The following ACSL1 variants were observed in gnomAD, a reference collection of about 807,000 sequenced individuals.
ACSL1 encodes acyl-CoA synthetase long chain family member 1.
Under a neutral mutation model 98.4 loss-of-function variants are expected in ACSL1, and 41 were observed. The ratio of observed to expected loss-of-function variants is 0.42; its 90% CI spans 0.32 to 0.54. The LOEUF is 0.54. Ranked by LOEUF, ACSL1 falls within the 20% of genes least tolerant of loss-of-function variation. ACSL1 has a pLI of 0.13. For synonymous variants in ACSL1, 316 were observed against 322.7 expected, an observed-to-expected ratio of 0.98 and a Z score of 0.22; for missense variants, 734 against 883.1, an observed-to-expected ratio of 0.83 and a Z score of 2.14.
intron 18 of ACSL1, chr4:184,758,507 G>GA (rs1561168174): frequency 6.6e-6 from 1 of 152,384 alleles, no homozygotes; most frequent in African/African-American, 2.4e-5. Flanking sequence ...AATGAGCTAT[G>GA]ACTGCCATTA....
At chr4:184,785,427 G>T (rs1228897508) in intron 3 of ACSL1, among the ~76,000 whole-genome samples, 2 of 152,070 alleles carry the variant, frequency 1.3e-5, no homozygotes, top group Admixed American at 1.3e-4. Flanking sequence ...TTTATAAATG[G>T]CTTCCTTGGT....
At chr4:184,813,176 C>T (rs1239243309) in intron 1 of ACSL1, among the ~76,000 whole-genome samples, 2 of 152,280 alleles carry the variant, frequency 1.3e-5, no homozygotes, top group East Asian at 1.9e-4. Flanking sequence ...CATGTACAGC[C>T]TTTGCGTGGG....
Position 184,773,930 on chromosome 4 carries a change from A to G in ACSL1, c.757-55T>C. On this transcript the variant is annotated intron_variant, in intron 7 of 20. Transcript: ENST00000281455. This position sits in a 1 kb window ranked among gnomAD's most constrained non-coding sequence, Gnocchi z 4.3. Reference sequence around the variant, plus strand: ...TGGAAACGTTTTCTAACTGTAAAGGATAAGGTCACATCGAGTCACTTAAAG... The same window carrying G: ...TGGAAACGTTTTCTAACTGTAAAGGGTAAGGTCACATCGAGTCACTTAAAG... 6.3e-7 allele frequency: 1 copy of G among 1,598,482 alleles called. No homozygotes were observed. The highest frequency in any genetic ancestry group is 8.6e-7 in the Non-Finnish European group (1 of 1,167,676).
intron 18 of ACSL1, 54 bp downstream of exon 18, chr4:184,760,303 A>C: frequency 6.3e-7 from 1 of 1,592,808 alleles, no homozygotes; most frequent in South Asian, 1.1e-5. Context: ...CCCCTGGAGT[A>C]CCAGGCAATG....
intron 15 of ACSL1, 108 bp from the exon 16 acceptor site, chr4:184,763,363 A>C: frequency 1.0e-6 from 1 of 1,004,804 alleles, no homozygotes; most frequent in Non-Finnish European, 1.5e-6. Flanking sequence ...CGGCTGGGAT[A>C]AACTTCTGAT....
Position 184,757,529 on chromosome 4 carries a change from A to T in ACSL1, c.1956+106T>A. ...CAAACTACTCCATTATTTATTCCTC[A>T]TGTATGTCTTTAGGTCACCCCATAT... On this transcript the variant is annotated intron_variant, in intron 20 of 20. Transcript: ENST00000281455. This position sits in a 1 kb window ranked among gnomAD's most constrained non-coding sequence, Gnocchi z 4.5. 9.2e-7 allele frequency: 1 copy of T among 1,087,912 alleles called. No homozygotes were observed. The highest frequency in any genetic ancestry group is 2.4e-5 in the East Asian group (1 of 42,264). 67.4% of individuals were successfully genotyped at this position (1,087,912 alleles called of 1,614,324 possible). A position where few individuals can be genotyped will look rare whatever the true frequency, so the allele number is the denominator to read the frequency against.
chr4:184,788,630 T>G lies in ACSL1; in HGVS notation c.297A>C (p.Gly99=). Reference sequence around the variant, plus strand: ...GAAAATGCTTACTTGACACCTGTATTCCCCTCTGGAAACCTTCGTATAATG... The same window carrying G: ...GAAAATGCTTACTTGACACCTGTATGCCCCTCTGGAAACCTTCGTATAATG... ...VTTLYEGFQR[G]IQVSNNGPCL... is the part of the protein sequence containing the mutation. The change falls in exon 3 of 21, where the codon GGA becomes GGC. Residue 99 remains glycine (G), a synonymous_variant. Transcript: ENST00000281455. 1 of 1,613,890 alleles carries G rather than the reference T, an allele frequency of 6.2e-7. No individual in the cohort carries two copies. The highest frequency in any genetic ancestry group is 8.5e-7 in the Non-Finnish European group (1 of 1,179,892).
intron 1 of ACSL1, among the ~76,000 whole-genome samples, chr4:184,816,187 T>C (rs140647327): frequency 6.8e-4 from 103 of 151,902 alleles, no homozygotes; most frequent in African/African-American, 2.4e-3. Context: ...TCCCCAGGAC[T>C]GGACGCAGCC....
intron 17 of ACSL1, among the ~76,000 whole-genome samples, chr4:184,761,732 T>G (rs1315631549): frequency 6.6e-6 from 1 of 152,222 alleles, no homozygotes; most frequent in Non-Finnish European, 1.5e-5. Context: ...AGATCTTATT[T>G]AACTGAGGCC....
At chr4:184,802,210 G>A (rs1442834560) in intron 2 of ACSL1, among the ~76,000 whole-genome samples, 6 of 152,198 alleles carry the variant, frequency 3.9e-5, no homozygotes, top group Non-Finnish European at 1.5e-5. Flanking sequence ...TTAGACTGAA[G>A]AATCTTTTAT....
Position 184,766,787 on chromosome 4 carries a change from C to T in ACSL1, c.1129-31G>A. On this transcript the variant is annotated intron_variant, in intron 12 of 20. Transcript: ENST00000281455. This position sits in a 1 kb window ranked among gnomAD's most constrained non-coding sequence, Gnocchi z 4.8. ...GAGGCAAGACATGAGAAAGTTTTCA[C>T]ACCTACTAGGATGGCCAGAGTCAAA... is the stretch of plus-strand genomic sequence containing the variant. The T allele has an allele frequency of 6.3e-6, 10 of 1,599,524 alleles. No homozygotes were observed. The highest frequency in any genetic ancestry group is 8.6e-6 in the Non-Finnish European group (10 of 1,168,958).
At chr4:184,770,265 T>A in intron 11 of ACSL1, 134 bp downstream of exon 11, 3 of 1,543,622 alleles carry the variant, frequency 1.9e-6, no homozygotes, top group Non-Finnish European at 2.6e-6. Flanking sequence ...CTTCAATAAC[T>A]GTTCATAAAT....
intron 3 of ACSL1, among the ~76,000 whole-genome samples, chr4:184,786,547 T>C (rs1030366365): frequency 1.3e-5 from 2 of 152,096 alleles, no homozygotes; most frequent in African/African-American, 2.4e-5. Flanking sequence ...ACTTTGAGAA[T>C]GTTCATAAAT....
chr4:184,763,676 C>T (rs1446758519), intron 15 of ACSL1, among the ~76,000 whole-genome samples: 2 of 152,210 alleles, frequency 1.3e-5, no homozygotes, highest in East Asian at 3.9e-4. Flanking sequence ...AAACCTCACG[C>T]ACCACCTGGT....
chr4:184,808,242 C>A (rs1340140503), intron 1 of ACSL1: 1 of 410,356 alleles, frequency 2.4e-6, no homozygotes, highest in Non-Finnish European at 3.3e-6. Flanking sequence ...CACAAACATA[C>A]ACACACACAC....
At chr4:184,812,119 A>G in intron 1 of ACSL1, 2 of 895,788 alleles carry the variant, frequency 2.2e-6, no homozygotes, top group South Asian at 5.1e-5. Context: ...CTTTATTTGT[A>G]ACCCCTGTGT....
At chr4:184,770,570 G>A (rs957995672) in intron 10 of ACSL1, 94 bp from the exon 11 acceptor site, 1 of 556,212 alleles carries the variant, frequency 1.8e-6, no homozygotes, top group Non-Finnish European at 3.2e-6. Flanking sequence ...GTAGGGGGAG[G>A]GGGGAGGGAT....
intron 1 of ACSL1, chr4:184,812,303 T>C (rs1287870189): frequency 1.8e-4 from 157 of 870,388 alleles, no homozygotes; most frequent in Non-Finnish European, 2.2e-4. Flanking sequence ...GAGTCATGAA[T>C]GACCCTCTGT....
intron 2 of ACSL1, among the ~76,000 whole-genome samples, chr4:184,799,817 C>A (rs920164592): frequency 5.3e-5 from 8 of 152,254 alleles, no homozygotes; most frequent in African/African-American, 1.7e-4. Flanking sequence ...CCACTGCACT[C>A]CAGCCTGGGC....
Sources: gnomAD v4.1 joint callset for allele counts (sites outside exome capture counted in the v4.1 genomes callset) on GRCh38, gnomAD v4.1.1 for gene constraint, Gnocchi (gnomAD v3.1) non-coding constraint, MANE v1.5 for transcripts, NCBI Gene and HGNC (gene_info 2026-07-23, HGNC 2026-07-21) for gene names.